Variants in CALN1 observed in about 807,000 individuals in gnomAD.
The protein encoded by CALN1 is calneuron 1.
CALN1 carries 17 observed loss-of-function variants against 30.6 expected under a neutral mutation model. The ratio of observed to expected loss-of-function variants is 0.56; its 90% CI spans 0.38 to 0.83. CALN1 has a LOEUF of 0.83. Ranked by LOEUF, CALN1 falls within the 40% of genes least tolerant of loss-of-function variation. The probability of loss-of-function intolerance (pLI) is 0.00; values close to 1 mark genes in which losing one functional copy is unlikely to be tolerated. For missense variants in CALN1, 291 were observed against 354.9 expected, an observed-to-expected ratio of 0.82 and a Z score of 1.45; for synonymous variants, 156 against 131.4, an observed-to-expected ratio of 1.19 and a Z score of -1.28.
intron 5 of CALN1, among the ~76,000 whole-genome samples, chr7:71,931,752 G>A (rs1795566004): frequency 6.6e-6 from 1 of 152,180 alleles, no homozygotes; most frequent in Non-Finnish European, 1.5e-5. Context: ...TTCTCTTTGA[G>A]GAGGGTGATG....
At chr7:72,375,406 A>G (rs1485997936) in intron 2 of CALN1, among the ~76,000 whole-genome samples, 2 of 151,922 alleles carry the variant, frequency 1.3e-5, no homozygotes, top group African/African-American at 2.4e-5. Context: ...CTGCAAAAAA[A>G]TAAAACAGAT....
intron 2 of CALN1, among the ~76,000 whole-genome samples, chr7:72,393,920 G>A (rs1434646005): frequency 6.6e-6 from 1 of 152,102 alleles, no homozygotes; most frequent in East Asian, 1.9e-4. Context: ...TGGCCTCGGA[G>A]CACTCTTAAA....
At position 72,095,489 on chromosome 7, in the gene CALN1, A is replaced by G. The variant is rs182420807; in HGVS notation, c.388+10662T>C. 1.3e-3 allele frequency among the ~76,000 whole-genome samples: 193 copies of G among 152,292 alleles called. No homozygotes were observed. In the Middle Eastern group the frequency reaches 0.02, roughly 16 times the overall value. On this transcript the variant is annotated intron_variant, in intron 4 of 6. Coordinates refer to ENST00000395275, the MANE Select transcript of CALN1 (RefSeq NM_031468.4). ...ATTATGCTTATTCACAAATGCAGGC[A>G]TTTGCAGAGACATTTTTCTTTAGTT...
intron 3 of CALN1, among the ~76,000 whole-genome samples, chr7:72,113,340 G>A (rs922821372): frequency 6.6e-5 from 10 of 152,116 alleles, no homozygotes; most frequent in African/African-American, 2.4e-4. Flanking sequence ...TGCACACACT[G>A]GCTCCCCTTT....
At chr7:72,189,987 T>C (rs1385838638) in intron 3 of CALN1, among the ~76,000 whole-genome samples, 2 of 152,128 alleles carry the variant, frequency 1.3e-5, no homozygotes, top group African/African-American at 4.8e-5. Context: ...AGGAAGATGT[T>C]AGCATGTACC....
intron 4 of CALN1, among the ~76,000 whole-genome samples, chr7:72,070,419 T>G (rs1242258072): frequency 1.3e-5 from 2 of 152,194 alleles, no homozygotes; most frequent in Non-Finnish European, 2.9e-5. Context: ...TGGCCCAGCA[T>G]TCTGTTGTTT....
intron 5 of CALN1, among the ~76,000 whole-genome samples, chr7:71,993,095 T>C (rs1481684003): frequency 6.6e-6 from 1 of 152,130 alleles, no homozygotes; most frequent in Non-Finnish European, 1.5e-5. Flanking sequence ...TTCTGGTGTC[T>C]GAGGCTGTAG....
Position 72,389,927 on chromosome 7 carries a change from T to TA in CALN1, c.119+13323dup, listed in dbSNP as rs35329864. On this transcript the variant is annotated intron_variant, in intron 2 of 6. Coordinates refer to ENST00000395275, the MANE Select transcript of CALN1 (RefSeq NM_031468.4). ...TGGGCAACAAGAGCAAAACCCCATC[T>TA]AAAAAAAAAAAAGAAGAAAGAAAAG... 7.9e-3 allele frequency among the ~76,000 whole-genome samples: 1,102 copies of TA among 138,922 alleles called. 26 individuals are homozygous for TA. The highest frequency in any genetic ancestry group is 0.028 in the African/African-American group (989 of 35,510). 91.1% of individuals were successfully genotyped at this position (138,922 alleles called of 152,430 possible).
At chr7:72,108,089 G>C (rs1045367642) in intron 3 of CALN1, among the ~76,000 whole-genome samples, 2 of 152,180 alleles carry the variant, frequency 1.3e-5, no homozygotes, top group African/African-American at 4.8e-5. Context: ...GATGTCAGCA[G>C]AGCTGTGCTC....
chr7:71,797,641 A>G (rs568767217), intron 6 of CALN1, among the ~76,000 whole-genome samples: 2 of 152,232 alleles, frequency 1.3e-5, no homozygotes, highest in African/African-American at 4.8e-5. Flanking sequence ...CATGCCCTGC[A>G]TCTCAGGTTT....
chr7:72,201,537 G>A (rs942432814), intron 3 of CALN1, among the ~76,000 whole-genome samples: 2 of 151,848 alleles, frequency 1.3e-5, no homozygotes, highest in African/African-American at 4.8e-5. Context: ...GCTGCAGTGA[G>A]CTGAGATTGT....
At chr7:72,054,399 G>T (rs1803044067) in intron 4 of CALN1, among the ~76,000 whole-genome samples, 2 of 47,832 alleles carry the variant, frequency 4.2e-5, no homozygotes, top group Admixed American at 2.5e-4. Context: ...CTGCATATAT[G>T]TACATATATA....
intron 2 of CALN1, among the ~76,000 whole-genome samples, chr7:72,398,474 T>C (rs781500073): frequency 6.6e-6 from 1 of 152,240 alleles, no homozygotes; most frequent in Non-Finnish European, 1.5e-5. Context: ...CACATATCAA[T>C]AGTGCACATC....
chr7:71,810,552 G>A, intron 5 of CALN1, 60 bp from the exon 6 acceptor site: 1 of 1,544,710 alleles, frequency 6.5e-7, no homozygotes. Context: ...AGTTGGCTCG[G>A]GCCATGACAG....
chr7:72,305,467 C>G (rs1417262292), intron 2 of CALN1, among the ~76,000 whole-genome samples: 1 of 152,150 alleles, frequency 6.6e-6, no homozygotes, highest in African/African-American at 2.4e-5. Flanking sequence ...TCAAGATCCC[C>G]ACGTAAAGTG....
At chr7:72,423,998 AGAAG>A (rs1213372425) in intron 1 of CALN1, among the ~76,000 whole-genome samples, 3 of 134,592 alleles carry the variant, frequency 2.2e-5, no homozygotes, top group Non-Finnish European at 3.2e-5. Context: ...AGGAAGGAAA[AGAAG>A]GAAGGAAGGA....
At chr7:72,131,905 G>A (rs1214564936) in intron 3 of CALN1, among the ~76,000 whole-genome samples, 1 of 152,008 alleles carries the variant, frequency 6.6e-6, no homozygotes, top group Non-Finnish European at 1.5e-5. Flanking sequence ...CACTCCTGTG[G>A]CCAGACACAA....
the CALN1 span, among the ~76,000 whole-genome samples, chr7:72,500,203 C>T: frequency 2.0e-5 from 3 of 147,400 alleles, no homozygotes; most frequent in African/African-American, 5.0e-5. Flanking sequence ...TGAGCCACCT[C>T]GCCCGGCCTC....
At chr7:71,858,433 G>T (rs1451609187) in intron 5 of CALN1, among the ~76,000 whole-genome samples, 1 of 151,770 alleles carries the variant, frequency 6.6e-6, no homozygotes, top group Non-Finnish European at 1.5e-5. Flanking sequence ...GGGAAGAGTT[G>T]AGCTGGGAAC....
Sources: gnomAD v4.1 joint callset for allele counts (sites outside exome capture counted in the v4.1 genomes callset) on GRCh38, gnomAD v4.1.1 for gene constraint, MANE v1.5 for transcripts, NCBI Gene and HGNC (gene_info 2026-07-23, HGNC 2026-07-21) for gene names.